Variants in CELF2 observed in about 807,000 individuals in gnomAD.
CELF2 encodes the protein CUG triplet repeat RNA-binding protein 2.
Under a neutral mutation model 62.6 loss-of-function variants are expected in CELF2, and 8 were observed. The observed-to-expected ratio is 0.13, with a 90% CI of 0.07 to 0.23. The LOEUF (loss-of-function observed/expected upper bound fraction) is 0.23. CELF2 is among the 10% of genes least tolerant of loss of function. CELF2 has a pLI of 1.00. For missense variants in CELF2, 333 were observed against 671.0 expected (o/e 0.50, Z 5.56); for synonymous variants, 258 against 250.0 (o/e 1.03, Z -0.30).
In CELF2 at chr10:11,290,549, A is replaced by C. The variant is rs1361931067; in HGVS notation, c.976+1997A>C. On this transcript the variant is annotated intron_variant, in intron 9 of 12. Transcript: ENST00000633077. The surrounding 1 kb of genome is among the most constrained non-coding windows in gnomAD (Gnocchi z 4.3). ...TAAAAAAAAAAAAAAAATGTGGGCCACTCAGACGGTCTAGGGCGACGGCCT... is the reference window on the plus strand; with the variant it reads ...TAAAAAAAAAAAAAAAATGTGGGCCCCTCAGACGGTCTAGGGCGACGGCCT... Among the ~76,000 whole-genome samples the C allele has an allele frequency of 6.6e-6, 1 of 150,810 alleles. No homozygotes were observed. Among genetic ancestry groups the C allele is most frequent in the Non-Finnish European group, 1.5e-5 (1 of 67,806 alleles).
intron 1 of CELF2, among the ~76,000 whole-genome samples, chr10:10,871,579 A>G (rs558332148): frequency 2.0e-5 from 3 of 152,004 alleles, no homozygotes; most frequent in Non-Finnish European, 2.9e-5. Flanking sequence ...AGGTCTAGAG[A>G]CCTAGTGGGA....
At chr10:10,494,350 C>T in the CELF2 span, among the ~76,000 whole-genome samples, 9 of 152,294 alleles carry the variant, frequency 5.9e-5, no homozygotes, top group Non-Finnish European at 1.3e-4. Flanking sequence ...TTTTAGTAGG[C>T]TTTGTTACTG....
rs903977563 is a variant in CELF2 at position 10,993,136 on chromosome 10, G to A, written c.89+73137G>A. The stretch of plus-strand genomic sequence containing the variant: ...AGCTGCTGTTTCCCACCGAAGAGGC[G>A]AGTCAGCAGATCAGTAATAAGGTGT... On this transcript the variant is annotated intron_variant, in intron 2 of 13. Coordinates refer to the CELF2 transcript ENST00000636488. The surrounding 1 kb of genome is among the most constrained non-coding windows in gnomAD (Gnocchi z 5.3). Among the ~76,000 whole-genome samples, 7 of 152,078 alleles carry A rather than the reference G, an allele frequency of 4.6e-5. No homozygotes were observed. The highest frequency in any genetic ancestry group is 7.2e-5 in the African/African-American group (3 of 41,416).
At chr10:10,635,270 T>C in the CELF2 span, among the ~76,000 whole-genome samples, 4 of 152,144 alleles carry the variant, frequency 2.6e-5, no homozygotes, top group South Asian at 2.1e-4. Flanking sequence ...TTTTAACAAC[T>C]TACATGTAAA....
intron 2 of CELF2, among the ~76,000 whole-genome samples, chr10:10,969,432 GGA>G (rs1223695450): frequency 6.6e-6 from 1 of 152,180 alleles, no homozygotes; most frequent in African/African-American, 2.4e-5. Flanking sequence ...CATATGAAAT[GGA>G]GACTTAGCCC....
At chr10:10,676,389 C>A in the CELF2 span, among the ~76,000 whole-genome samples, 1 of 152,164 alleles carries the variant, frequency 6.6e-6, no homozygotes, top group East Asian at 1.9e-4. Flanking sequence ...GCACATTAGA[C>A]CGTGGTTAAC....
intron 1 of CELF2, among the ~76,000 whole-genome samples, chr10:10,813,572 T>C (rs1424122220): frequency 6.6e-6 from 1 of 152,254 alleles, no homozygotes; most frequent in Non-Finnish European, 1.5e-5. Context: ...TGTCCTTCCT[T>C]GGCTGCCATT....
intron 1 of CELF2, among the ~76,000 whole-genome samples, chr10:11,068,667 T>TC (rs2068824076): frequency 6.6e-6 from 1 of 152,048 alleles, no homozygotes; most frequent in African/African-American, 2.4e-5. Context: ...TTCACGCCAT[T>TC]CTCCTGCCTC....
rs200875824 is a variant in CELF2 at position 11,050,563 on chromosome 10, G to A, written c.74+32400G>A. Among the ~76,000 whole-genome samples, 11 of 152,332 alleles carry A rather than the reference G, an allele frequency of 7.2e-5. No individual in the cohort carries two copies. The East Asian group carries it at 1.7e-3, about 24-fold the overall frequency. On this transcript the variant is annotated intron_variant, in intron 1 of 12. Transcript: ENST00000633077. ...CCAGTCATCTTGGATTCATAGCTAC[G>A]TGCAGACACTTTCTGTGCATTCTTA...
intron 2 of CELF2, among the ~76,000 whole-genome samples, chr10:11,198,292 T>A (rs2058451124): frequency 1.3e-5 from 2 of 152,232 alleles, no homozygotes; most frequent in Admixed American, 1.3e-4. Context: ...ATGCAGTGAC[T>A]GATAAAAACT....
At chr10:11,278,643 T>G (rs950610454) in intron 8 of CELF2, among the ~76,000 whole-genome samples, 14 of 152,228 alleles carry the variant, frequency 9.2e-5, no homozygotes, top group Non-Finnish European at 1.3e-4. Context: ...AAGCTCCTTT[T>G]AAAAATCATG....
At chr10:10,894,320 C>T (rs1055986972) in intron 1 of CELF2, among the ~76,000 whole-genome samples, 9 of 152,116 alleles carry the variant, frequency 5.9e-5, no homozygotes, top group East Asian at 5.8e-4. Context: ...ACTCGATTTC[C>T]GATGATGAAT....
At chr10:10,856,004 AT>A (rs2059683906) in intron 1 of CELF2, among the ~76,000 whole-genome samples, 1 of 152,162 alleles carries the variant, frequency 6.6e-6, no homozygotes, top group Non-Finnish European at 1.5e-5. Context: ...TAGGAAAGGT[AT>A]TTGGGAAGAA....
chr10:10,959,971 AG>A (rs1487564844), intron 2 of CELF2, among the ~76,000 whole-genome samples: 5 of 152,260 alleles, frequency 3.3e-5, no homozygotes, highest in African/African-American at 1.2e-4. Flanking sequence ...CTTTTATTCC[AG>A]CACTGTGGTT....
chr10:10,496,872 G>T, the CELF2 span, among the ~76,000 whole-genome samples: 1 of 152,106 alleles, frequency 6.6e-6, no homozygotes, highest in East Asian at 1.9e-4. Context: ...TGGAAGAAAG[G>T]ATGGAGGAAA....
chr10:10,665,271 T>C, the CELF2 span, among the ~76,000 whole-genome samples: 1 of 152,192 alleles, frequency 6.6e-6, no homozygotes, highest in Non-Finnish European at 1.5e-5. Context: ...TACAGAGCTA[T>C]GCCGGCAAAT....
chr10:11,323,822 A>G (rs1163851813), intron 11 of CELF2, among the ~76,000 whole-genome samples: 1 of 152,176 alleles, frequency 6.6e-6, no homozygotes, highest in Non-Finnish European at 1.5e-5. Flanking sequence ...AAGAGAGATG[A>G]CACACAGGTA....
chr10:10,467,681 A>G, the CELF2 span, among the ~76,000 whole-genome samples: 6 of 152,008 alleles, frequency 3.9e-5, no homozygotes, highest in African/African-American at 1.2e-4. Flanking sequence ...TGTTAACTCT[A>G]TTGAGTCCTC....
At chr10:10,894,682 GA>G (rs5783184) in intron 1 of CELF2, among the ~76,000 whole-genome samples, 80,074 of 151,388 alleles carry the variant, frequency 0.53, 21,925 homozygotes, top group East Asian at 0.75. Flanking sequence ...CCACCTGAAA[GA>G]AAAAAAAATG....
Sources: allele counts gnomAD v4.1 joint callset (sites outside exome capture counted in the v4.1 genomes callset), GRCh38; gene constraint gnomAD v4.1.1; non-coding constraint Gnocchi (gnomAD v3.1); transcripts MANE v1.5; gene names NCBI Gene and HGNC (gene_info 2026-07-23, HGNC 2026-07-21).